The following DAB1 variants were observed in gnomAD, a reference collection of about 807,000 sequenced individuals.
The protein encoded by DAB1 is disabled homolog 1.
In DAB1, 15 loss-of-function variants were observed where a neutral mutation model predicts 64.6. That is an observed-to-expected ratio of 0.23 (90% CI 0.16 to 0.36). The LOEUF (loss-of-function observed/expected upper bound fraction) is 0.36. Ranked by LOEUF, DAB1 falls within the 10% of genes least tolerant of loss-of-function variation. The pLI, the probability that DAB1 is intolerant of heterozygous loss-of-function variation, is 1.00. For missense variants in DAB1, 596 were observed against 706.7 expected (o/e 0.84, Z 1.78); for synonymous variants, 235 against 251.9 (o/e 0.93, Z 0.64).
At chr1:57,578,163 G>GAGGGT (rs1397862992) in intron 7 of DAB1, among the ~76,000 whole-genome samples, 4 of 152,216 alleles carry the variant, frequency 2.6e-5, no homozygotes, top group African/African-American at 9.6e-5. Context: ...AATTGTGCCA[G>GAGGGT]AGGGTTCTTC....
intron 1 of DAB1, among the ~76,000 whole-genome samples, chr1:57,842,429 T>A (rs1653095842): frequency 6.6e-6 from 1 of 152,168 alleles, no homozygotes; most frequent in African/African-American, 2.4e-5. Context: ...TTTTCAAGTA[T>A]CTTTATAGCA....
At chr1:57,841,842 T>G (rs1356071326) in intron 1 of DAB1, among the ~76,000 whole-genome samples, 1 of 152,206 alleles carries the variant, frequency 6.6e-6, no homozygotes, top group African/African-American at 2.4e-5. Context: ...AATGCCTTGG[T>G]GGCATTTTCC....
chr1:57,182,442 C>T (rs777880098), intron 2 of DAB1, among the ~76,000 whole-genome samples: 10 of 152,162 alleles, frequency 6.6e-5, no homozygotes, highest in South Asian at 2.1e-4. Flanking sequence ...CTAGCAGATA[C>T]GGGGCTAGAG....
chr1:57,287,778 T>TTATTTATTTATTTA (rs1553164514), intron 2 of DAB1, among the ~76,000 whole-genome samples: 4 of 144,102 alleles, frequency 2.8e-5, no homozygotes, highest in East Asian at 2.1e-4. Flanking sequence ...TTTCTCTCTC[T>TTATTTATTTATTTA]TTTATTTATT....
chr1:57,535,735 C>G (rs1185391442), intron 7 of DAB1, among the ~76,000 whole-genome samples: 1 of 152,176 alleles, frequency 6.6e-6, no homozygotes, highest in African/African-American at 2.4e-5. Flanking sequence ...GCTGGGATTA[C>G]AGGCATGAGC....
chr1:57,114,229 A>C (rs941667031), intron 4 of DAB1, among the ~76,000 whole-genome samples: 5 of 149,334 alleles, frequency 3.3e-5, no homozygotes, highest in Non-Finnish European at 7.4e-5. Flanking sequence ...GATATACGAG[A>C]AAATGGAACA....
intron 7 of DAB1, among the ~76,000 whole-genome samples, chr1:57,607,636 G>A (rs1404386): frequency 0.88 from 133,969 of 152,188 alleles, 60,645 homozygotes; most frequent in East Asian, 1. Context: ...GTTAAACACC[G>A]CCCAGTTCAA....
chr1:58,114,298 A>G (rs1392312562), intron 5 of DAB1, among the ~76,000 whole-genome samples: 1 of 152,190 alleles, frequency 6.6e-6, no homozygotes, highest in African/African-American at 2.4e-5. Flanking sequence ...ATCATCATTA[A>G]TGATAGGTAA....
chr1:58,313,964 T>C (rs1367273756), intron 4 of DAB1, among the ~76,000 whole-genome samples: 1 of 152,094 alleles, frequency 6.6e-6, no homozygotes, highest in Non-Finnish European at 1.5e-5. Context: ...TTTTAACATA[T>C]GAATTTGGTG....
At chr1:57,956,457 GA>G (rs1192533731) in intron 5 of DAB1, among the ~76,000 whole-genome samples, 2 of 152,268 alleles carry the variant, frequency 1.3e-5, no homozygotes, top group Non-Finnish European at 2.9e-5. Flanking sequence ...AAAATAGCCT[GA>G]TCTCACTCTT....
chr1:58,154,445 T>C (rs1467723098), intron 4 of DAB1, among the ~76,000 whole-genome samples: 1 of 143,826 alleles, frequency 7.0e-6, no homozygotes, highest in Non-Finnish European at 1.5e-5. Context: ...TCCTGTGTCA[T>C]GCAGTTCTTC....
At chr1:57,644,568 C>T (rs199720895) in intron 7 of DAB1, among the ~76,000 whole-genome samples, 1 of 144,222 alleles carries the variant, frequency 6.9e-6, no homozygotes, top group Non-Finnish European at 1.5e-5. Flanking sequence ...TATATATATA[C>T]ACACATACAT....
chr1:57,164,888 G>A (rs528139704), intron 2 of DAB1, among the ~76,000 whole-genome samples: 2 of 152,226 alleles, frequency 1.3e-5, no homozygotes, highest in Admixed American at 1.3e-4. Flanking sequence ...TTTGTTACTT[G>A]CAACTAGAAA....
chr1:57,993,740 C>T (rs1306649688), intron 5 of DAB1, among the ~76,000 whole-genome samples: 2 of 149,644 alleles, frequency 1.3e-5, no homozygotes, highest in African/African-American at 4.9e-5. Flanking sequence ...CGTTTTAGAG[C>T]TCATTGTACT....
At chr1:57,229,524 A>G (rs1253191952) in intron 2 of DAB1, among the ~76,000 whole-genome samples, 1 of 152,166 alleles carries the variant, frequency 6.6e-6, no homozygotes, top group Non-Finnish European at 1.5e-5. Flanking sequence ...AAGAAAAAAA[A>G]AATCTGAAGC....
intron 6 of DAB1, among the ~76,000 whole-genome samples, chr1:57,652,414 A>G (rs1646267591): frequency 6.6e-6 from 1 of 152,052 alleles, no homozygotes; most frequent in Non-Finnish European, 1.5e-5. Context: ...TCCTGCCCCA[A>G]AATGCTCTAG....
At chr1:58,039,372 A>T (rs908678492) in intron 5 of DAB1, among the ~76,000 whole-genome samples, 1 of 149,326 alleles carries the variant, frequency 6.7e-6, no homozygotes, top group African/African-American at 2.6e-5. Flanking sequence ...CAGAAACCAC[A>T]ATAAAGGCTC....
chr1:57,591,620 T>C (rs1645446507), intron 7 of DAB1, among the ~76,000 whole-genome samples: 1 of 152,250 alleles, frequency 6.6e-6, no homozygotes, highest in African/African-American at 2.4e-5. Flanking sequence ...TTTGTCAGCC[T>C]CAGTTTCTTC....
intron 1 of DAB1, among the ~76,000 whole-genome samples, chr1:58,532,971 T>G (rs1050313453): frequency 3.3e-5 from 5 of 152,254 alleles, no homozygotes; most frequent in African/African-American, 1.2e-4. Flanking sequence ...CTTAGAAGGA[T>G]TAGAATCATT....
Sources: gnomAD v4.1 joint callset for allele counts (sites outside exome capture counted in the v4.1 genomes callset) on GRCh38, gnomAD v4.1.1 for gene constraint, MANE v1.5 for transcripts, NCBI Gene and HGNC (gene_info 2026-07-23, HGNC 2026-07-21) for gene names.